The following RAPGEF5 variants were observed in gnomAD, a reference collection of about 807,000 sequenced individuals.
RAPGEF5 encodes the protein M-Ras-regulated GEF.
RAPGEF5 carries 65 observed loss-of-function variants against 125.2 expected under a neutral mutation model. The ratio of observed to expected loss-of-function variants is 0.52; its 90% confidence interval spans 0.43 to 0.64. RAPGEF5 has a LOEUF of 0.64. RAPGEF5 is among the 30% of genes least tolerant of loss of function. The probability of loss-of-function intolerance (pLI) is 0.00; values close to 1 mark genes in which losing one functional copy is unlikely to be tolerated. For missense variants in RAPGEF5, 958 were observed against 1,048.1 expected (o/e 0.91, Z 1.19); for synonymous variants, 391 against 385.9 (o/e 1.01, Z -0.16).
intron 11 of RAPGEF5, among the ~76,000 whole-genome samples, chr7:22,171,291 T>C (rs1225440590): frequency 6.6e-6 from 1 of 152,132 alleles, no homozygotes. Flanking sequence ...TAATTATCTA[T>C]TACACTACAT....
At chr7:22,221,158 TC>T in intron 8 of RAPGEF5, among the ~76,000 whole-genome samples, 1 of 152,302 alleles carries the variant, frequency 6.6e-6, no homozygotes, top group South Asian at 2.1e-4. Context: ...CAAGTGGAAT[TC>T]CTCCACCAAA....
intron 9 of RAPGEF5, chr7:22,202,943 T>C (rs11763898): frequency 0.075 from 26,022 of 347,446 alleles, 1,121 homozygotes; most frequent in Middle Eastern, 0.093. Flanking sequence ...ATACAAACTA[T>C]ATTGTAACTG....
At chr7:22,315,143 C>T (rs1310973118) in intron 3 of RAPGEF5, among the ~76,000 whole-genome samples, 2 of 152,198 alleles carry the variant, frequency 1.3e-5, no homozygotes, top group African/African-American at 2.4e-5. Flanking sequence ...CCCATCCACA[C>T]TTGGGGCTGG....
chr7:22,184,276 A>T (rs573305976), intron 11 of RAPGEF5, among the ~76,000 whole-genome samples: 2 of 152,374 alleles, frequency 1.3e-5, no homozygotes, highest in Admixed American at 1.3e-4. Flanking sequence ...AGCAAATCAT[A>T]AAATTAAAAG....
At chr7:22,170,907 C>A (rs1784329569) in intron 11 of RAPGEF5, among the ~76,000 whole-genome samples, 1 of 152,110 alleles carries the variant, frequency 6.6e-6, no homozygotes, top group South Asian at 2.1e-4. Flanking sequence ...GTTAAAAATT[C>A]TAATGAATAG....
At chr7:22,149,620 T>C (rs1489568452) in intron 18 of RAPGEF5, among the ~76,000 whole-genome samples, 1 of 152,320 alleles carries the variant, frequency 6.6e-6, no homozygotes, top group Non-Finnish European at 1.5e-5. Context: ...TCCAGACTCT[T>C]TATCTTCAGT....
At chr7:22,122,651 A>G (rs1214153452) in intron 25 of RAPGEF5, 130 bp from the exon 26 acceptor site, 14 of 654,320 alleles carry the variant, frequency 2.1e-5, no homozygotes, top group Admixed American at 9.3e-5. Flanking sequence ...ATCCCATAAG[A>G]GGTGTCCTTG....
chr7:22,238,131 G>A (rs1786239636), intron 7 of RAPGEF5, among the ~76,000 whole-genome samples: 1 of 152,182 alleles, frequency 6.6e-6, no homozygotes. Flanking sequence ...AGACTGCACT[G>A]AGCCGTGTGG....
chr7:22,289,574 A>G (rs1422563438), intron 6 of RAPGEF5, among the ~76,000 whole-genome samples: 1 of 152,278 alleles, frequency 6.6e-6, no homozygotes, highest in Non-Finnish European at 1.5e-5. Flanking sequence ...ATGGCTAATT[A>G]TAATTATGCA....
At chr7:22,198,385 C>T (rs926555166) in intron 9 of RAPGEF5, among the ~76,000 whole-genome samples, 1 of 152,208 alleles carries the variant, frequency 6.6e-6, no homozygotes, top group Admixed American at 6.5e-5. Context: ...ATGCTTGTTA[C>T]ACTGGACAAT....
chr7:22,229,742 T>C (rs1350645106), intron 8 of RAPGEF5, among the ~76,000 whole-genome samples: 2 of 152,200 alleles, frequency 1.3e-5, no homozygotes, highest in Admixed American at 1.3e-4. Context: ...CAGATCAAGC[T>C]TTCTTAGACA....
At chr7:22,143,883 G>A (rs1188413359) in intron 20 of RAPGEF5, among the ~76,000 whole-genome samples, 2 of 152,232 alleles carry the variant, frequency 1.3e-5, no homozygotes, top group African/African-American at 2.4e-5. Flanking sequence ...AGGAACTGGT[G>A]TAGACTCAGT....
At chr7:22,336,682 G>A (rs1784032924) in intron 1 of RAPGEF5, among the ~76,000 whole-genome samples, 1 of 152,162 alleles carries the variant, frequency 6.6e-6, no homozygotes, top group South Asian at 2.1e-4. Flanking sequence ...TTGCAGTGGG[G>A]AGGAGCCTGG....
At chr7:22,248,153 G>A (rs983831560) in intron 7 of RAPGEF5, among the ~76,000 whole-genome samples, 7 of 152,042 alleles carry the variant, frequency 4.6e-5, no homozygotes, top group Non-Finnish European at 7.4e-5. Context: ...AATCATCAAA[G>A]TAAAAAGAAA....
intron 10 of RAPGEF5, 48 bp from the exon 11 acceptor site, chr7:22,193,503 C>T (rs200461614): frequency 9.6e-5 from 150 of 1,556,958 alleles, no homozygotes; most frequent in African/African-American, 1.2e-4. Flanking sequence ...TGGAAGACTG[C>T]GAGCGGCTGC....
At chr7:22,264,118 G>A (rs939335004) in intron 7 of RAPGEF5, among the ~76,000 whole-genome samples, 1 of 151,106 alleles carries the variant, frequency 6.6e-6, no homozygotes, top group African/African-American at 2.4e-5. Flanking sequence ...CTTATCATAA[G>A]GAATTAAGGA....
rs367838254 is a variant in RAPGEF5 at position 22,335,710 on chromosome 7, AAAC to A, written c.232-17676_232-17674del. Reference sequence around the variant, plus strand: ...AACAAGCAAAAAAAAAAAAACAACAAAACAACAACAACAACAACAACGAAACTT... The same window carrying A: ...AACAAGCAAAAAAAAAAAAACAACAAAACAACAACAACAACAACGAAACTT... On this transcript the variant is annotated intron_variant, in intron 1 of 25. Coordinates refer to ENST00000665637, the MANE Select transcript of RAPGEF5 (RefSeq NM_012294.5). Among the ~76,000 whole-genome samples the A allele has an allele frequency of 2.3e-3, 312 of 137,688 alleles. 1 individual carries two copies. Among genetic ancestry groups the A allele is most frequent in the African/African-American group, 6.6e-3 (260 of 39,180 alleles). 90.3% of individuals were successfully genotyped at this position (137,688 alleles called of 152,430 possible).
intron 7 of RAPGEF5, among the ~76,000 whole-genome samples, chr7:22,256,238 G>A (rs780264134): frequency 4.6e-5 from 7 of 152,244 alleles, no homozygotes; most frequent in Admixed American, 2.0e-4. Context: ...ACAATCCCTC[G>A]CTGAGACTGT....
At chr7:22,352,510 T>C (rs546402287) in intron 1 of RAPGEF5, among the ~76,000 whole-genome samples, 1 of 152,292 alleles carries the variant, frequency 6.6e-6, no homozygotes, top group South Asian at 2.1e-4. Flanking sequence ...TTAGAATATC[T>C]TGCGTCAGAA....
Sources: allele counts gnomAD v4.1 joint callset (sites outside exome capture counted in the v4.1 genomes callset), GRCh38; gene constraint gnomAD v4.1.1; transcripts MANE v1.5; gene names NCBI Gene and HGNC (gene_info 2026-07-23, HGNC 2026-07-21).